The following MOB3B variants were observed in gnomAD, a reference collection of about 807,000 sequenced individuals.
MOB3B encodes MOB kinase activator 3B.
MOB3B carries 7 observed loss-of-function variants against 18.7 expected under a neutral mutation model. The observed-to-expected ratio is 0.37, with a 90% CI of 0.21 to 0.70. The LOEUF (loss-of-function observed/expected upper bound fraction) is 0.70. MOB3B is among the 30% of genes least tolerant of loss of function. The pLI is 0.52. For synonymous variants in MOB3B, 111 were observed against 99.9 expected, an observed-to-expected ratio of 1.11 and a Z score of -0.66; for missense variants, 253 against 281.3, an observed-to-expected ratio of 0.90 and a Z score of 0.72.
At chr9:27,374,003 A>T (rs918047318) in intron 2 of MOB3B, among the ~76,000 whole-genome samples, 15 of 152,236 alleles carry the variant, frequency 9.9e-5, no homozygotes, top group African/African-American at 2.7e-4. Flanking sequence ...ACATCTGTTT[A>T]AACCTGGTTC....
chr9:27,525,390 A>G (rs1820421368), intron 1 of MOB3B, among the ~76,000 whole-genome samples: 1 of 152,300 alleles, frequency 6.6e-6, no homozygotes, highest in East Asian at 1.9e-4. Context: ...AATTCAGCAC[A>G]TTAAAAGAGC....
chr9:27,346,519 T>G (rs1821033043), intron 3 of MOB3B, among the ~76,000 whole-genome samples: 2 of 152,240 alleles, frequency 1.3e-5, no homozygotes, highest in Non-Finnish European at 2.9e-5. Context: ...TAAACACATT[T>G]CCTACAGCAC....
chr9:27,369,781 G>A (rs537914149), intron 2 of MOB3B, among the ~76,000 whole-genome samples: 21 of 152,196 alleles, frequency 1.4e-4, no homozygotes, highest in African/African-American at 3.9e-4. Flanking sequence ...TCTCCATTTC[G>A]CCTGACTAAC....
rs555096936 is a variant in MOB3B at position 27,419,878 on chromosome 9, T to C, written c.418+35255A>G. ...CAGAGTAAATAGAAAACCCACAGAG[T>C]GGGAGAAAATCTTCACAATCTATAC... is the stretch of plus-strand genomic sequence containing the variant. On this transcript the variant is annotated intron_variant, in intron 2 of 3. Coordinates refer to ENST00000262244, the MANE Select transcript of MOB3B (RefSeq NM_024761.5). Among the ~76,000 whole-genome samples the C allele has an allele frequency of 1.4e-4, 21 of 151,394 alleles. No homozygotes were observed. In the South Asian group the frequency reaches 4.4e-3, roughly 32 times the overall value.
intron 2 of MOB3B, among the ~76,000 whole-genome samples, chr9:27,427,844 CT>C (rs2131419224): frequency 6.6e-6 from 1 of 152,124 alleles, no homozygotes; most frequent in East Asian, 1.9e-4. Context: ...TTGGTGAGGC[CT>C]TTGCTTCCCT....
At chr9:27,487,843 G>T (rs780690107) in intron 1 of MOB3B, among the ~76,000 whole-genome samples, 5 of 152,116 alleles carry the variant, frequency 3.3e-5, no homozygotes, top group Admixed American at 6.5e-5. Flanking sequence ...CTATCATCAT[G>T]GCTTCTGCCT....
intron 1 of MOB3B, among the ~76,000 whole-genome samples, chr9:27,503,574 C>G (rs773209070): frequency 2.0e-5 from 3 of 152,238 alleles, no homozygotes; most frequent in Non-Finnish European, 4.4e-5. Flanking sequence ...CCTGCATACT[C>G]TGCCCCAGAT....
intron 1 of MOB3B, among the ~76,000 whole-genome samples, chr9:27,505,998 C>T (rs1723910480): frequency 6.6e-6 from 1 of 152,198 alleles, no homozygotes; most frequent in African/African-American, 2.4e-5. Context: ...AAATCAAATG[C>T]CTGGGCAGAT....
intron 3 of MOB3B, among the ~76,000 whole-genome samples, chr9:27,355,562 C>CTTT (rs11339453): frequency 7.6e-6 from 1 of 132,018 alleles, no homozygotes; most frequent in African/African-American, 2.8e-5. Context: ...TCTTTTTCTT[C>CTTT]TTTTTTTTTT....
chr9:27,450,382 G>C (rs1344687191), intron 2 of MOB3B, among the ~76,000 whole-genome samples: 1 of 152,186 alleles, frequency 6.6e-6, no homozygotes, highest in Non-Finnish European at 1.5e-5. Flanking sequence ...TTACCAGGGA[G>C]TTATGGGCCA....
At chr9:27,344,338 A>G (rs988600445) in intron 3 of MOB3B, among the ~76,000 whole-genome samples, 3 of 152,198 alleles carry the variant, frequency 2.0e-5, no homozygotes, top group African/African-American at 7.2e-5. Context: ...TCCCTCTGTT[A>G]TTGCTGTCAG....
chr9:27,357,952 T>C (rs1223267608), intron 3 of MOB3B, among the ~76,000 whole-genome samples: 1 of 141,986 alleles, frequency 7.0e-6, no homozygotes, highest in Non-Finnish European at 1.5e-5. Context: ...CCCAGCTACT[T>C]GGGAGGCTGA....
intron 1 of MOB3B, among the ~76,000 whole-genome samples, chr9:27,522,448 C>G (rs117486210): frequency 0.019 from 2,525 of 133,642 alleles, 30 homozygotes; most frequent in Middle Eastern, 0.028. Flanking sequence ...TATATATATG[C>G]ATATGTCTAT....
At chr9:27,366,794 C>A (rs1321657929) in intron 2 of MOB3B, among the ~76,000 whole-genome samples, 3 of 152,168 alleles carry the variant, frequency 2.0e-5, no homozygotes, top group Admixed American at 6.5e-5. Context: ...GAGAACTGCC[C>A]CCAAACACCT....
At chr9:27,423,541 A>G (rs559217810) in intron 2 of MOB3B, among the ~76,000 whole-genome samples, 52 of 152,178 alleles carry the variant, frequency 3.4e-4, no homozygotes, top group African/African-American at 1.2e-3. Flanking sequence ...TTTAGTGTGG[A>G]GCATTTAAAG....
At chr9:27,499,907 TTGAAA>T (rs1250926908) in intron 1 of MOB3B, among the ~76,000 whole-genome samples, 1 of 152,166 alleles carries the variant, frequency 6.6e-6, no homozygotes, top group African/African-American at 2.4e-5. Context: ...TTGTGTTATG[TTGAAA>T]TGAAATCTAC....
At chr9:27,348,218 T>A (rs1422105310) in intron 3 of MOB3B, among the ~76,000 whole-genome samples, 3 of 152,054 alleles carry the variant, frequency 2.0e-5, no homozygotes, top group Non-Finnish European at 2.9e-5. Flanking sequence ...ACTTGTGCTG[T>A]AGGATGTAGA....
intron 1 of MOB3B, among the ~76,000 whole-genome samples, chr9:27,464,145 G>T (rs1228916651): frequency 6.6e-6 from 1 of 151,968 alleles, no homozygotes; most frequent in Non-Finnish European, 1.5e-5. Context: ...ATCAAGAAAT[G>T]ATGTGAGAAA....
chr9:27,466,637 G>C (rs1026666243), intron 1 of MOB3B, among the ~76,000 whole-genome samples: 1 of 152,144 alleles, frequency 6.6e-6, no homozygotes, highest in Non-Finnish European at 1.5e-5. Context: ...CACATGGTTG[G>C]GGAGGCCTCA....
Sources: allele counts gnomAD v4.1 joint callset (sites outside exome capture counted in the v4.1 genomes callset), GRCh38; gene constraint gnomAD v4.1.1; transcripts MANE v1.5; gene names NCBI Gene and HGNC (gene_info 2026-07-23, HGNC 2026-07-21).